PTPRN2: variants seen among roughly 807,000 people sequenced by gnomAD.
PTPRN2 encodes the protein protein tyrosine phosphatase receptor type N2.
A neutral mutation model predicts 118.8 loss-of-function variants in PTPRN2; 74 were observed. That is an observed-to-expected ratio of 0.62 (90% CI 0.52 to 0.76). PTPRN2 has a LOEUF of 0.76. Among genes scored for constraint, PTPRN2 ranks in the 30% least tolerant of loss-of-function variants. The probability of loss-of-function intolerance (pLI) is 0.00; values close to 1 mark genes in which losing one functional copy is unlikely to be tolerated. For missense variants in PTPRN2, 1,481 were observed against 1,394.4 expected, an observed-to-expected ratio of 1.06 and a Z score of -0.99; for synonymous variants, 641 against 608.0, an observed-to-expected ratio of 1.05 and a Z score of -0.80.
Position 157,785,300 on chromosome 7 carries a change from T to G in PTPRN2, c.1789-102363A>C, listed in dbSNP as rs1803960478. ...GCCAGTGGTGTAAATCCACACTCTA[T>G]GGTGACGGTGGATCCACAGCTGCCG... On this transcript the variant is annotated intron_variant, in intron 12 of 22. Transcript: ENST00000389418. The surrounding 1 kb of genome is among the most constrained non-coding windows in gnomAD (Gnocchi z 7.3). 6.6e-6 allele frequency among the ~76,000 whole-genome samples: 1 copy of G among 152,170 alleles called. No homozygotes were observed. Among genetic ancestry groups the G allele is most frequent in the Non-Finnish European group, 1.5e-5 (1 of 68,026 alleles).
chr7:158,561,778 C>T lies in PTPRN2; in HGVS notation c.112+25780G>A, dbSNP rs529329206. Among the ~76,000 whole-genome samples the T allele has an allele frequency of 1.9e-3, 293 of 152,256 alleles. 2 individuals are homozygous for T. Among genetic ancestry groups the T allele is most frequent in the African/African-American group, 6.5e-3 (271 of 41,564 alleles). On this transcript the variant is annotated intron_variant, in intron 1 of 22. Transcript: ENST00000389418. ...GACACTTCCGACAGGGGAGATGGCCCGGGCCAACACCAGGACCAAACTCTC... is the reference window on the plus strand; with the variant it reads ...GACACTTCCGACAGGGGAGATGGCCTGGGCCAACACCAGGACCAAACTCTC...
At position 157,855,107 on chromosome 7, in the gene PTPRN2, G is replaced by A. The variant is rs528915661; in HGVS notation, c.1788+43566C>T. Among the ~76,000 whole-genome samples, 15 of 151,302 alleles carry A rather than the reference G, an allele frequency of 9.9e-5. No homozygotes were observed. In the East Asian group the frequency reaches 2.9e-3, roughly 29 times the overall value. On this transcript the variant is annotated intron_variant, in intron 12 of 22. Coordinates refer to ENST00000389418, the MANE Select transcript of PTPRN2 (RefSeq NM_002847.5). ...GTGCCGTTGCAGGGATGTGTGTGGG[G>A]CCGGATCGGGGAGGATGGCTGCACG...
intron 12 of PTPRN2, among the ~76,000 whole-genome samples, chr7:157,872,872 C>CGAGAG (rs1811196168): frequency 6.6e-6 from 1 of 152,238 alleles, no homozygotes; most frequent in Non-Finnish European, 1.5e-5. Context: ...TGCTGCCTCT[C>CGAGAG]CACAGCTCCC....
At position 158,133,732 on chromosome 7, in the gene PTPRN2, A is replaced by G. The variant is rs777872460; in HGVS notation, c.1501T>C (p.Leu501=). ...TCTTCCTCGGAAGGCTGGACCTCCA[A>G]TTGCAGGCCGTCGCTGAGGGCCTCC... ...AQEALSDGLQ[L]EVQPSEEEAR... Residue 501 remains leucine (L), a synonymous_variant, in exon 9 of 23, where the codon TTG becomes CTG. Transcript: ENST00000389418. 1.1e-5 allele frequency: 18 copies of G among 1,611,942 alleles called. No individual in the cohort carries two copies. The highest frequency in any genetic ancestry group is 1.5e-5 in the Non-Finnish European group (18 of 1,178,850).
At chr7:157,988,174 G>C (rs1803953038) in intron 11 of PTPRN2, among the ~76,000 whole-genome samples, 1 of 152,228 alleles carries the variant, frequency 6.6e-6, no homozygotes, top group Non-Finnish European at 1.5e-5. Flanking sequence ...CACCATGGGA[G>C]CACCAGGGAA....
At chr7:157,922,801 A>C (rs1798759520) in intron 11 of PTPRN2, among the ~76,000 whole-genome samples, 1 of 113,870 alleles carries the variant, frequency 8.8e-6, no homozygotes, top group Non-Finnish European at 1.8e-5. Flanking sequence ...CAATATTTCA[A>C]CTGACTGCTT....
chr7:158,251,526 A>G (rs1018526349), intron 3 of PTPRN2, among the ~76,000 whole-genome samples: 3 of 144,858 alleles, frequency 2.1e-5, no homozygotes, highest in African/African-American at 5.2e-5. Flanking sequence ...TATATGGTGC[A>G]TGTGGGGGGT....
intron 11 of PTPRN2, among the ~76,000 whole-genome samples, chr7:157,998,467 G>T (rs1174063183): frequency 6.6e-6 from 1 of 152,196 alleles, no homozygotes; most frequent in Non-Finnish European, 1.5e-5. Flanking sequence ...CCCGTGTCCA[G>T]CCTCCAACGT....
intron 2 of PTPRN2, among the ~76,000 whole-genome samples, chr7:158,321,700 G>A (rs372114726): frequency 1.4e-3 from 206 of 152,278 alleles, no homozygotes; most frequent in Non-Finnish European, 2.7e-3. Flanking sequence ...GAAAATCATG[G>A]GAGATGAGAA....
At chr7:158,078,973 G>A (rs976223241) in intron 11 of PTPRN2, among the ~76,000 whole-genome samples, 5 of 152,006 alleles carry the variant, frequency 3.3e-5, no homozygotes, top group African/African-American at 9.7e-5. Flanking sequence ...TCAGCCTCCC[G>A]AGTAGCTGAG....
intron 12 of PTPRN2, among the ~76,000 whole-genome samples, chr7:157,840,737 G>A (rs867125557): frequency 6.6e-6 from 1 of 152,258 alleles, no homozygotes; most frequent in African/African-American, 2.4e-5. Context: ...AGCCTCCAGC[G>A]TTTTCACCCA....
Position 158,525,871 on chromosome 7 carries a change from G to C in PTPRN2, c.113-36086C>G, listed in dbSNP as rs1319465422. 6.6e-6 allele frequency among the ~76,000 whole-genome samples: 1 copy of C among 152,100 alleles called. No homozygotes were observed. Among genetic ancestry groups the C allele is most frequent in the African/African-American group, 2.4e-5 (1 of 41,404 alleles). On this transcript the variant is annotated intron_variant, in intron 1 of 22. Transcript: ENST00000389418. The surrounding 1 kb of genome is among the most constrained non-coding windows in gnomAD (Gnocchi z 4.1). ...AGCCCCGATGATACAGGGTGAAGAC[G>C]CCTCCCCTCACAGACCTCAGACCTG...
chr7:158,365,354 G>A (rs552479307), intron 2 of PTPRN2, among the ~76,000 whole-genome samples: 45 of 152,192 alleles, frequency 3.0e-4, no homozygotes, highest in African/African-American at 9.6e-4. Context: ...AACCAACGAG[G>A]GTGTGATTTT....
chr7:157,690,758 C>T lies in PTPRN2; in HGVS notation c.1789-7821G>A, dbSNP rs1797437792. On this transcript the variant is annotated intron_variant, in intron 12 of 22. Coordinates refer to ENST00000389418, the MANE Select transcript of PTPRN2 (RefSeq NM_002847.5). The surrounding 1 kb of genome is among the most constrained non-coding windows in gnomAD (Gnocchi z 7.1). The stretch of plus-strand genomic sequence containing the variant: ...GGCCGGAGGAGACAAAGGTGCCGCG[C>T]GTCGCTGCTCCAGCAGCAGCGGCTG... 1.3e-5 allele frequency among the ~76,000 whole-genome samples: 2 copies of T among 151,292 alleles called. No individual in the cohort carries two copies. Among genetic ancestry groups the T allele is most frequent in the South Asian group, 4.1e-4 (2 of 4,830 alleles).
At chr7:157,840,941 C>T (rs1016335996) in intron 12 of PTPRN2, among the ~76,000 whole-genome samples, 9 of 152,222 alleles carry the variant, frequency 5.9e-5, no homozygotes, top group African/African-American at 1.9e-4. Context: ...GGAGCCACCA[C>T]CTCACCGCCT....
chr7:158,048,129 G>GTA (rs1425779598), intron 11 of PTPRN2, among the ~76,000 whole-genome samples: 7 of 138,228 alleles, frequency 5.1e-5, no homozygotes, highest in African/African-American at 8.9e-5. Context: ...ATACACATAT[G>GTA]TATACACACA....
At chr7:158,352,986 C>T (rs1311102261) in intron 2 of PTPRN2, among the ~76,000 whole-genome samples, 1 of 152,262 alleles carries the variant, frequency 6.6e-6, no homozygotes, top group Non-Finnish European at 1.5e-5. Flanking sequence ...CAGACACTCG[C>T]TCCTATTCCG....
At chr7:158,060,132 G>A (rs1426055444) in intron 11 of PTPRN2, among the ~76,000 whole-genome samples, 3 of 89,354 alleles carry the variant, frequency 3.4e-5, no homozygotes, top group African/African-American at 1.1e-4. Context: ...ATCTGCACAC[G>A]GTGACACATC....
chr7:157,718,908 C>T (rs1424446899), intron 12 of PTPRN2, among the ~76,000 whole-genome samples: 1 of 152,210 alleles, frequency 6.6e-6, no homozygotes, highest in East Asian at 1.9e-4. Flanking sequence ...CCGCCTCCTG[C>T]AGGTGGCAGC....
Sources: gnomAD v4.1 joint callset for allele counts (sites outside exome capture counted in the v4.1 genomes callset) on GRCh38, gnomAD v4.1.1 for gene constraint, Gnocchi (gnomAD v3.1) non-coding constraint, MANE v1.5 for transcripts, NCBI Gene and HGNC (gene_info 2026-07-23, HGNC 2026-07-21) for gene names.